Variants in ARVCF observed in about 807,000 individuals in gnomAD.
ARVCF encodes the protein ARVCF delta catenin family member, also known as splicing regulator ARVCF.
A neutral mutation model predicts 90.9 loss-of-function variants in ARVCF; 66 were observed. The observed-to-expected ratio is 0.73, with a 90% confidence interval of 0.60 to 0.89. The LOEUF is 0.89. Among genes scored for constraint, ARVCF ranks in the 40% least tolerant of loss-of-function variants. ARVCF has a pLI of 0.00. For missense variants in ARVCF, 1,469 were observed against 1,382.3 expected, an observed-to-expected ratio of 1.06 and a Z score of -1.00; for synonymous variants, 653 against 603.4, an observed-to-expected ratio of 1.08 and a Z score of -1.21.
chr22:19,972,306 G>A, intron 17 of ARVCF, 52 bp downstream of exon 17: 1 of 1,611,606 alleles, frequency 6.2e-7, no homozygotes, highest in Non-Finnish European at 8.5e-7. Flanking sequence ...CCCACTTCAG[G>A]CCTTGGTCCC....
intron 10 of ARVCF, 89 bp from the exon 11 acceptor site, chr22:19,975,846 G>C: frequency 7.4e-7 from 1 of 1,346,552 alleles, no homozygotes. Context: ...CTCCTACCCA[G>C]GCCCCAAAAG....
chr22:19,971,152 T>C lies in ARVCF; in HGVS notation c.*12+64A>G, dbSNP rs1601558644. On this transcript the variant is annotated intron_variant, in intron 19 of 19. Coordinates refer to ENST00000263207, the MANE Select transcript of ARVCF (RefSeq NM_001670.3). ...AGCAGAGCGTGCAGGCAGCGGAGAC[T>C]AACAAGAAGCCCTGGCCCAGAGGGC... 7.1e-6 allele frequency: 11 copies of C among 1,550,268 alleles called. No individual in the cohort carries two copies. In the East Asian group the frequency reaches 2.0e-4, roughly 28 times the overall value.
chr22:19,970,799 G>T, intron 19 of ARVCF, 56 bp from the exon 20 acceptor site: 1 of 1,294,064 alleles, frequency 7.7e-7, no homozygotes, highest in South Asian at 1.2e-5. Flanking sequence ...ACAGGACCAC[G>T]TGTAACCTCA....
chr22:19,981,163 G>A, intron 5 of ARVCF, 48 bp downstream of exon 5: 5 of 1,468,034 alleles, frequency 3.4e-6, no homozygotes, highest in Non-Finnish European at 4.5e-6. Flanking sequence ...GGGGGTGGAG[G>A]GCAGACTTCC....
At chr22:20,005,288 A>C (rs1428182196) in intron 2 of ARVCF, among the ~76,000 whole-genome samples, 2 of 152,222 alleles carry the variant, frequency 1.3e-5, no homozygotes, top group East Asian at 3.9e-4. Flanking sequence ...ACGTTAAAAA[A>C]TTTGCTCAAC....
At chr22:20,001,501 C>G (rs1377798151) in intron 2 of ARVCF, among the ~76,000 whole-genome samples, 2 of 152,210 alleles carry the variant, frequency 1.3e-5, no homozygotes, top group Non-Finnish European at 2.9e-5. Flanking sequence ...TGGCCACAGA[C>G]CACAATGAAA....
downstream of ARVCF, chr22:19,969,175 G>A (rs569006363): frequency 1.1e-5 from 2 of 182,028 alleles, no homozygotes; most frequent in South Asian, 2.0e-4. Flanking sequence ...CTGGCCCACT[G>A]GCCTCCCAGC....
intron 2 of ARVCF, among the ~76,000 whole-genome samples, chr22:19,995,791 C>A (rs369456846): frequency 1.1e-4 from 17 of 152,296 alleles, no homozygotes; most frequent in African/African-American, 2.9e-4. Context: ...GCTGGCCCCC[C>A]CCTCGAGGGG....
At chr22:19,987,399 C>T (rs1243875376) in intron 3 of ARVCF, among the ~76,000 whole-genome samples, 1 of 149,854 alleles carries the variant, frequency 6.7e-6, no homozygotes, top group Non-Finnish European at 1.5e-5. Context: ...CACCTCCCCC[C>T]ACCCACTGCC....
At chr22:19,975,842 C>T in intron 10 of ARVCF, 85 bp from the exon 11 acceptor site, 2 of 1,444,146 alleles carry the variant, frequency 1.4e-6, no homozygotes, top group Non-Finnish European at 1.9e-6. Flanking sequence ...TTCTCTCCTA[C>T]CCAGGCCCCA....
At chr22:20,002,492 C>G (rs1944481242) in intron 2 of ARVCF, among the ~76,000 whole-genome samples, 1 of 152,230 alleles carries the variant, frequency 6.6e-6, no homozygotes, top group Non-Finnish European at 1.5e-5. Context: ...CGCCTCTCCT[C>G]TCTACTTGAG....
In ARVCF at chr22:19,984,501, G is replaced by A. The variant is rs547698639; in HGVS notation, c.211-2410C>T. Among the ~76,000 whole-genome samples, 30 of 152,294 alleles carry A rather than the reference G, an allele frequency of 2.0e-4. No individual in the cohort carries two copies. The East Asian group carries it at 3.5e-3, about 18-fold the overall frequency. On this transcript the variant is annotated intron_variant, in intron 3 of 19. Coordinates refer to ENST00000263207, the MANE Select transcript of ARVCF (RefSeq NM_001670.3). ...CTAAAAACGAGGGATGACTTCACCC[G>A]GGTGGCAGGTGCATGAGTCAGCCAG...
intron 3 of ARVCF, among the ~76,000 whole-genome samples, chr22:19,985,448 C>T (rs1016674975): frequency 1.3e-5 from 2 of 152,212 alleles, no homozygotes; most frequent in Non-Finnish European, 2.9e-5. Context: ...AAGAGGGTCC[C>T]GGGAACACAG....
chr22:19,973,438 C>T (rs956297019), intron 13 of ARVCF, 121 bp from the exon 14 acceptor site: 1 of 1,342,694 alleles, frequency 7.4e-7, no homozygotes, highest in South Asian at 1.5e-5. Flanking sequence ...TGTGTGCAGG[C>T]GGTCACAGGA....
intron 3 of ARVCF, chr22:19,987,006 A>G: frequency 1.6e-6 from 1 of 642,490 alleles, no homozygotes; most frequent in Non-Finnish European, 2.8e-6. Context: ...CCTCCCGGGC[A>G]GGCCGACGCC....
At position 19,974,093 on chromosome 22, in the gene ARVCF, G is replaced by T. The variant is rs373944893; in HGVS notation, c.2088+19C>A. ...CCCTCTCTCAGGACTTGCCCACCCT[G>T]CCCGACCTGGTCCCTCACCATCCAG... is the stretch of plus-strand genomic sequence containing the variant. On this transcript the variant is annotated intron_variant, in intron 12 of 19. Transcript: ENST00000263207. 2 of 1,597,104 alleles carry T rather than the reference G, an allele frequency of 1.3e-6. No individual in the cohort carries two copies.
At chr22:19,977,869 C>T in intron 8 of ARVCF, 89 bp downstream of exon 8, 1 of 1,417,742 alleles carries the variant, frequency 7.1e-7, no homozygotes, top group South Asian at 1.3e-5. Flanking sequence ...AGCCCATTCC[C>T]CTGTGCTGCT....
intron 3 of ARVCF, among the ~76,000 whole-genome samples, 157 bp from the exon 4 acceptor site, chr22:19,982,248 G>A (rs558221855): frequency 3.0e-4 from 45 of 152,276 alleles, no homozygotes; most frequent in Non-Finnish European, 5.0e-4. Flanking sequence ...GGCCTGTTTC[G>A]GCCCAAGCTG....
intron 2 of ARVCF, among the ~76,000 whole-genome samples, chr22:20,008,386 C>T (rs1944709352): frequency 6.6e-6 from 1 of 152,196 alleles, no homozygotes; most frequent in South Asian, 2.1e-4. Context: ...TCAGCACGCA[C>T]CACCCCATCA....
Sources: gnomAD v4.1 joint callset for allele counts (sites outside exome capture counted in the v4.1 genomes callset) on GRCh38, gnomAD v4.1.1 for gene constraint, MANE v1.5 for transcripts, NCBI Gene and HGNC (gene_info 2026-07-23, HGNC 2026-07-21) for gene names.